The following PITPNM3 variants were observed in gnomAD, a reference collection of about 807,000 sequenced individuals.
PITPNM3 encodes the protein membrane-associated phosphatidylinositol transfer protein 3.
Under a neutral mutation model 102.0 loss-of-function variants are expected in PITPNM3, and 26 were observed. The observed-to-expected ratio is 0.25, with a 90% CI of 0.19 to 0.35. PITPNM3 has a LOEUF of 0.35. Among genes scored for constraint, PITPNM3 ranks in the 10% least tolerant of loss-of-function variants. The pLI, the probability that PITPNM3 is intolerant of heterozygous loss-of-function variation, is 1.00. For missense variants in PITPNM3, 1,083 were observed against 1,346.1 expected (o/e 0.80, Z 3.06); for synonymous variants, 578 against 558.6 (o/e 1.03, Z -0.49).
intron 1 of PITPNM3, among the ~76,000 whole-genome samples, chr17:6,545,381 T>C (rs1239779450): frequency 6.6e-6 from 1 of 152,146 alleles, no homozygotes; most frequent in East Asian, 1.9e-4. Flanking sequence ...CTCGGGCCCC[T>C]GGAATGGGAG....
chr17:6,539,849 A>G (rs999586544), intron 1 of PITPNM3, among the ~76,000 whole-genome samples: 1 of 152,240 alleles, frequency 6.6e-6, no homozygotes, highest in African/African-American at 2.4e-5. Flanking sequence ...TTGGATAGTC[A>G]GCAAAGTCCT....
At chr17:6,534,682 CTG>C (rs747639116) in intron 2 of PITPNM3, among the ~76,000 whole-genome samples, 21 of 152,220 alleles carry the variant, frequency 1.4e-4, no homozygotes, top group Non-Finnish European at 2.2e-4. Flanking sequence ...AGGAGATACA[CTG>C]TTCCCAGGTC....
At position 6,517,404 on chromosome 17, in the gene PITPNM3, T is replaced by C. The variant is rs1036832690; in HGVS notation, c.226+7952A>G. 6.6e-6 allele frequency among the ~76,000 whole-genome samples: 1 copy of C among 152,156 alleles called. No homozygotes were observed. The highest frequency in any genetic ancestry group is 1.5e-5 in the Non-Finnish European group (1 of 68,024). On this transcript the variant is annotated intron_variant, in intron 3 of 19. Transcript: ENST00000262483. The surrounding 1 kb of genome is among the most constrained non-coding windows in gnomAD (Gnocchi z 4.1). ...ACTAATCATTAAGTTGAAATGAGAA[T>C]TGGCAACATGAAACCAAATGGCCAG...
rs953229379 is a variant in PITPNM3, at chr17:6,461,650, G to A, written c.2307-94C>T. 2.7e-5 allele frequency: 38 copies of A among 1,416,818 alleles called. No individual in the cohort carries two copies. The Middle Eastern group carries it at 6.4e-4, about 24-fold the overall frequency. 87.8% of individuals were successfully genotyped at this position (1,416,818 alleles called of 1,614,324 possible). A position where few individuals can be genotyped will look rare whatever the true frequency, so the allele number is the denominator to read the frequency against. On this transcript the variant is annotated intron_variant, in intron 17 of 19. Transcript: ENST00000262483. ...CTGCCCGCAGCTGCCCTCCTGAGAC[G>A]TCAGAGGGACGAGTCTGAGGCGTGC... is the stretch of plus-strand genomic sequence containing the variant.
At position 6,535,666 on chromosome 17, in the gene PITPNM3, C is replaced by T. The variant is rs1292907410; in HGVS notation, c.118+2321G>A. Among the ~76,000 whole-genome samples, 55 of 152,208 alleles carry T rather than the reference C, an allele frequency of 3.6e-4. 2 individuals carry two copies. The East Asian group carries it at 7.7e-3, about 21-fold the overall frequency. On this transcript the variant is annotated intron_variant, in intron 2 of 19. Transcript: ENST00000262483. Reference sequence around the variant, plus strand: ...GGGTGCGGTGGCTCACACCTGTAATCCCAGCACTTTGGGAGGCCAAGGCAG... The same window carrying T: ...GGGTGCGGTGGCTCACACCTGTAATTCCAGCACTTTGGGAGGCCAAGGCAG...
rs545296364 is a variant in PITPNM3 at position 6,492,496 on chromosome 17, A to G, written c.275-8204T>C. On this transcript the variant is annotated intron_variant, in intron 4 of 19. Coordinates refer to ENST00000262483, the MANE Select transcript of PITPNM3 (RefSeq NM_031220.4). ...ATGAGGGAGTATAAAAGGATAAGAA[A>G]TGCTTGTGGAAGGAAAGAATAAATG... 2.0e-5 allele frequency among the ~76,000 whole-genome samples: 3 copies of G among 152,352 alleles called. No individual in the cohort carries two copies. In the South Asian group the frequency reaches 6.2e-4, roughly 32 times the overall value.
intron 10 of PITPNM3, among the ~76,000 whole-genome samples, chr17:6,473,393 G>T (rs1050394781): frequency 5.3e-5 from 8 of 152,122 alleles, no homozygotes; most frequent in Non-Finnish European, 8.8e-5. Context: ...ACAGGGACTG[G>T]ACCGTCCAGC....
At chr17:6,515,752 A>C (rs982942539) in intron 3 of PITPNM3, among the ~76,000 whole-genome samples, 1 of 152,166 alleles carries the variant, frequency 6.6e-6, no homozygotes, top group African/African-American at 2.4e-5. Context: ...AAATGTTCTA[A>C]AACAAGCAGA....
chr17:6,529,365 C>T (rs568603312), intron 2 of PITPNM3, among the ~76,000 whole-genome samples: 7 of 152,058 alleles, frequency 4.6e-5, no homozygotes, highest in African/African-American at 1.2e-4. Flanking sequence ...GAGGCTGAGG[C>T]GGGCAAATCA....
chr17:6,528,755 C>T (rs956396808), intron 2 of PITPNM3, among the ~76,000 whole-genome samples: 5 of 152,080 alleles, frequency 3.3e-5, no homozygotes, highest in Non-Finnish European at 2.9e-5. Context: ...TCAGCCTTTA[C>T]GTCTTCACTC....
At position 6,540,888 on chromosome 17, in the gene PITPNM3, A is replaced by C. The variant is rs112055763; in HGVS notation, c.23-2806T>G. 2.2e-3 allele frequency among the ~76,000 whole-genome samples: 334 copies of C among 152,220 alleles called. 1 individual carries two copies. Among genetic ancestry groups the C allele is most frequent in the African/African-American group, 7.8e-3 (325 of 41,526 alleles). On this transcript the variant is annotated intron_variant, in intron 1 of 19. Coordinates refer to ENST00000262483, the MANE Select transcript of PITPNM3 (RefSeq NM_031220.4). ...TGGCTAGGCTAGTCTCGAACTCCTG[A>C]CCTCAGGTGATCTGCCCGCCTCAGC...
At chr17:6,540,724 T>C (rs1294563426) in intron 1 of PITPNM3, among the ~76,000 whole-genome samples, 2 of 152,246 alleles carry the variant, frequency 1.3e-5, no homozygotes, top group Non-Finnish European at 2.9e-5. Context: ...AATGGTGCGA[T>C]CTTGGCTCAC....
chr17:6,538,167 G>C, intron 1 of PITPNM3, 85 bp from the exon 2 acceptor site: 1 of 968,692 alleles, frequency 1.0e-6, no homozygotes. Flanking sequence ...CTGGACTAAA[G>C]GCCAGTTAGC....
At chr17:6,474,158 G>A (rs1030927029) in intron 10 of PITPNM3, among the ~76,000 whole-genome samples, 12 of 151,976 alleles carry the variant, frequency 7.9e-5, no homozygotes, top group Non-Finnish European at 1.0e-4. Flanking sequence ...CCCATAGGGC[G>A]TGACCACCGG....
rs756963454 is a variant in PITPNM3 at position 6,538,989 on chromosome 17, AAGGGAGACGGTCAGCCCAGGCCATCC to A, written c.23-933_23-908del. ...GATCCCAGAGCATAAACTGTTCCTG[AAGGGAGACGGTCAGCCCAGGCCATCC>A]AGGGACACAGCCCTCCTGCCTGTCG... On this transcript the variant is annotated intron_variant, in intron 1 of 19. Transcript: ENST00000262483. Among the ~76,000 whole-genome samples, 208 of 151,924 alleles carry A rather than the reference AAGGGAGACGGTCAGCCCAGGCCATCC, an allele frequency of 1.4e-3. 1 individual carries two copies. The highest frequency in any genetic ancestry group is 2.7e-3 in the Non-Finnish European group (180 of 67,848).
intron 17 of PITPNM3, among the ~76,000 whole-genome samples, chr17:6,462,268 T>G (rs977848734): frequency 6.6e-6 from 1 of 152,136 alleles, no homozygotes; most frequent in African/African-American, 2.4e-5. Flanking sequence ...TTCCTGTACA[T>G]CGCAAATCTA....
At chr17:6,464,118 A>T in intron 16 of PITPNM3, 52 bp downstream of exon 16, 1 of 1,613,156 alleles carries the variant, frequency 6.2e-7, no homozygotes, top group Non-Finnish European at 8.5e-7. Context: ...GCCTGGCTGG[A>T]AGGGCCATAG....
In PITPNM3 at chr17:6,461,312, C is replaced by G. The variant is rs558367943; in HGVS notation, c.2490+61G>C. ...CACCCGGGAGGAGGGAGATGGGGAG[C>G]GGTGGAGAGGAGGGCTGCGCTCTCA... is the stretch of plus-strand genomic sequence containing the variant. On this transcript the variant is annotated intron_variant, in intron 18 of 19. Transcript: ENST00000262483. The G allele has an allele frequency of 2.6e-6, 4 of 1,553,288 alleles. No homozygotes were observed. The African/African-American group carries it at 5.4e-5, about 21-fold the overall frequency.
chr17:6,510,160 A>C (rs9896995), intron 3 of PITPNM3, among the ~76,000 whole-genome samples: 56,647 of 152,154 alleles, frequency 0.37, 10,663 homozygotes, highest in Admixed American at 0.4. Context: ...TTCCTGGGCT[A>C]AATTCCGCTT....
Sources: gnomAD v4.1 joint callset for allele counts (sites outside exome capture counted in the v4.1 genomes callset) on GRCh38, gnomAD v4.1.1 for gene constraint, Gnocchi (gnomAD v3.1) non-coding constraint, MANE v1.5 for transcripts, NCBI Gene and HGNC (gene_info 2026-07-23, HGNC 2026-07-21) for gene names.